TRABD2B: variants seen among roughly 807,000 people sequenced by gnomAD.
TRABD2B encodes the protein metalloprotease TIKI2.
Under a neutral mutation model 40.1 loss-of-function variants are expected in TRABD2B, and 14 were observed. The observed-to-expected ratio is 0.35, with a 90% CI of 0.23 to 0.55. The LOEUF is 0.55. TRABD2B is among the 20% of genes least tolerant of loss of function. TRABD2B has a pLI of 0.90. For missense variants in TRABD2B, 541 were observed against 648.6 expected (o/e 0.83, Z 1.80); for synonymous variants, 263 against 277.0 (o/e 0.95, Z 0.50).
rs117275155 is a variant in TRABD2B at position 47,853,280 on chromosome 1, G to A, written c.667-51661C>T. Among the ~76,000 whole-genome samples, 15 of 152,312 alleles carry A rather than the reference G, an allele frequency of 9.8e-5. No individual in the cohort carries two copies. The East Asian group carries it at 2.9e-3, about 29-fold the overall frequency. ...GGCCCAAACCCACCAACGCACCCCG[G>A]CATTGTCTAGCAGTGGCCCGAATTA... is the stretch of plus-strand genomic sequence containing the variant. On this transcript the variant is annotated intron_variant, in intron 2 of 6. Coordinates refer to ENST00000606738, the MANE Select transcript of TRABD2B (RefSeq NM_001194986.2).
intron 3 of TRABD2B, among the ~76,000 whole-genome samples, chr1:47,798,147 T>G (rs1412812865): frequency 1.3e-5 from 2 of 152,134 alleles, no homozygotes; most frequent in African/African-American, 4.8e-5. Flanking sequence ...GAGTCACATA[T>G]GCGCACAAGA....
intron 2 of TRABD2B, among the ~76,000 whole-genome samples, chr1:47,852,351 G>A (rs537895068): frequency 2.5e-4 from 38 of 152,282 alleles, no homozygotes; most frequent in Middle Eastern, 3.4e-3. Context: ...GGAATTCCAG[G>A]CCAAAGTAAT....
chr1:47,794,759 AGC>A lies in TRABD2B; in HGVS notation c.814-1_814del. 4.0e-6 allele frequency: 6 copies of A among 1,513,674 alleles called. No individual in the cohort carries two copies. The highest frequency in any genetic ancestry group is 5.3e-6 in the Non-Finnish European group (6 of 1,134,632). 93.8% of individuals were successfully genotyped at this position (1,513,674 alleles called of 1,614,324 possible). A position where few individuals can be genotyped will look rare whatever the true frequency, so the allele number is the denominator to read the frequency against. On this transcript the variant is annotated splice_acceptor_variant and coding_sequence_variant, in exon 4 of 7. Coordinates refer to ENST00000606738, the MANE Select transcript of TRABD2B (RefSeq NM_001194986.2). LOFTEE classifies it high-confidence loss of function. Reference sequence around the variant, plus strand: ...GAGGGTGGTGTTGATAAAGTTGGGCAGCTGCAAAGGCAAGACAGAGGCTGCCT... The same window carrying A: ...GAGGGTGGTGTTGATAAAGTTGGGCATGCAAAGGCAAGACAGAGGCTGCCT...
intron 2 of TRABD2B, among the ~76,000 whole-genome samples, chr1:47,854,768 CT>C (rs1051152543): frequency 6.6e-6 from 1 of 152,198 alleles, no homozygotes; most frequent in African/African-American, 2.4e-5. Flanking sequence ...GGCTCTGCCC[CT>C]GAGCTTGTTT....
At chr1:47,856,844 C>T (rs926283400) in intron 2 of TRABD2B, among the ~76,000 whole-genome samples, 6 of 152,178 alleles carry the variant, frequency 3.9e-5, no homozygotes, top group Non-Finnish European at 8.8e-5. Flanking sequence ...GCCTGGGCCC[C>T]GCAGGCAGAG....
chr1:47,959,588 A>T (rs1461626312), intron 2 of TRABD2B, among the ~76,000 whole-genome samples: 2 of 152,224 alleles, frequency 1.3e-5, no homozygotes, highest in Admixed American at 1.3e-4. Flanking sequence ...AAATACCTCT[A>T]TGCAAATAAA....
chr1:47,863,908 C>A (rs1013112087), intron 2 of TRABD2B, among the ~76,000 whole-genome samples: 1 of 152,100 alleles, frequency 6.6e-6, no homozygotes, highest in Non-Finnish European at 1.5e-5. Context: ...TGGACTATTA[C>A]ACAGCACTAA....
rs1297473823 is a variant in TRABD2B, at chr1:47,761,822, A to C, written c.*4080T>G. The C allele has an allele frequency of 6.6e-6, 1 of 152,290 alleles. No homozygotes were observed. Among genetic ancestry groups the C allele is most frequent in the Non-Finnish European group, 1.5e-5 (1 of 68,106 alleles). 9.4% of individuals were successfully genotyped at this position (152,290 alleles called of 1,614,324 possible). A position where few individuals can be genotyped will look rare whatever the true frequency, so the allele number is the denominator to read the frequency against. ...GGAAATTATGCCACTGGTGGAACTA[A>C]GGTCTGCCTCTCTCCTTCTTTTCTG... On this transcript the variant is annotated 3_prime_UTR_variant, in exon 7 of 7. Coordinates refer to ENST00000606738, the MANE Select transcript of TRABD2B (RefSeq NM_001194986.2).
intron 2 of TRABD2B, among the ~76,000 whole-genome samples, chr1:47,874,295 G>T (rs1408894690): frequency 3.5e-5 from 4 of 115,426 alleles, no homozygotes; most frequent in African/African-American, 1.4e-4. Context: ...GTCTCGCTCT[G>T]TCGCCCAGGC....
chr1:47,776,373 G>A (rs1036384128), intron 5 of TRABD2B, among the ~76,000 whole-genome samples: 3 of 152,142 alleles, frequency 2.0e-5, no homozygotes, highest in African/African-American at 7.2e-5. Context: ...TATAGCACAA[G>A]AATAATAATA....
At chr1:47,945,092 A>T (rs1391225313) in intron 2 of TRABD2B, among the ~76,000 whole-genome samples, 1 of 152,148 alleles carries the variant, frequency 6.6e-6, no homozygotes, top group African/African-American at 2.4e-5. Flanking sequence ...ATGCCACGGG[A>T]CTGATTCAGA....
intron 2 of TRABD2B, among the ~76,000 whole-genome samples, chr1:47,977,314 T>A (rs1645770490): frequency 1.3e-5 from 2 of 152,128 alleles, no homozygotes; most frequent in African/African-American, 4.8e-5. Context: ...CCTCAAGTGA[T>A]CCCCACTTTG....
chr1:47,772,905 T>A (rs1050815439), intron 6 of TRABD2B, among the ~76,000 whole-genome samples: 1 of 152,192 alleles, frequency 6.6e-6, no homozygotes, highest in African/African-American at 2.4e-5. Flanking sequence ...TGGAATAAAG[T>A]TAGCCAACTG....
At chr1:47,848,276 A>G (rs1645499652) in intron 2 of TRABD2B, among the ~76,000 whole-genome samples, 1 of 152,226 alleles carries the variant, frequency 6.6e-6, no homozygotes, top group African/African-American at 2.4e-5. Flanking sequence ...GATTTCTATA[A>G]TGGAAGTTGT....
In TRABD2B at chr1:47,937,478, C is replaced by G. The variant is rs534233960; in HGVS notation, c.666+56556G>C. ...CCATCATCACCACCACTGTCACTATCATCACCATCATCATCACTATCATTG... is the reference window on the plus strand; with the variant it reads ...CCATCATCACCACCACTGTCACTATGATCACCATCATCATCACTATCATTG... On this transcript the variant is annotated intron_variant, in intron 2 of 6. Coordinates refer to ENST00000606738, the MANE Select transcript of TRABD2B (RefSeq NM_001194986.2). 1.6e-4 allele frequency among the ~76,000 whole-genome samples: 25 copies of G among 152,230 alleles called. No homozygotes were observed. The South Asian group carries it at 4.8e-3, about 29-fold the overall frequency.
intron 2 of TRABD2B, among the ~76,000 whole-genome samples, chr1:47,903,862 A>G (rs574796702): frequency 3.9e-4 from 59 of 152,344 alleles, no homozygotes; most frequent in Non-Finnish European, 7.3e-4. Flanking sequence ...CCCCAAGAGC[A>G]CTGGGGGCTC....
At chr1:47,778,603 C>T in intron 4 of TRABD2B, 59 bp from the exon 5 acceptor site, 4 of 1,255,512 alleles carry the variant, frequency 3.2e-6, no homozygotes, top group Non-Finnish European at 3.4e-6. Context: ...CCACAGGGGA[C>T]TGCCCCAGGC....
intron 2 of TRABD2B, among the ~76,000 whole-genome samples, chr1:47,953,948 G>A (rs1400098683): frequency 6.6e-6 from 1 of 152,178 alleles, no homozygotes; most frequent in Non-Finnish European, 1.5e-5. Context: ...TTCTGTCTGA[G>A]TGGCCGACTC....
chr1:47,902,314 T>C (rs1644611716), intron 2 of TRABD2B, among the ~76,000 whole-genome samples: 2 of 152,050 alleles, frequency 1.3e-5, no homozygotes, highest in Non-Finnish European at 1.5e-5. Flanking sequence ...TAGGTGTTGA[T>C]AAAATGGTGG....
Sources: allele counts gnomAD v4.1 joint callset (sites outside exome capture counted in the v4.1 genomes callset), GRCh38; gene constraint gnomAD v4.1.1; transcripts MANE v1.5; gene names NCBI Gene and HGNC (gene_info 2026-07-23, HGNC 2026-07-21).